The following ASB13 variants were observed in gnomAD, a reference collection of about 807,000 sequenced individuals.
ASB13 encodes ankyrin repeat and SOCS box containing 13.
ASB13 carries 33 observed loss-of-function variants against 28.8 expected under a neutral mutation model. That is an observed-to-expected ratio of 1.15 (90% CI 0.87 to 1.53). The LOEUF is 1.53. Among genes scored for constraint, ASB13 ranks in the 40% most tolerant of loss-of-function variants. The pLI, the probability that ASB13 is intolerant of heterozygous loss-of-function variation, is 0.00. For missense variants in ASB13, 414 were observed against 390.1 expected (o/e 1.06, Z -0.52); for synonymous variants, 182 against 172.9 (o/e 1.05, Z -0.41).
In ASB13 at chr10:5,663,800, T is replaced by C. The variant is rs1835210746; in HGVS notation, c.43+2709A>G. On this transcript the variant is annotated intron_variant, in intron 1 of 5. Transcript: ENST00000357700. This position sits in a 1 kb window ranked among gnomAD's most constrained non-coding sequence, Gnocchi z 4.9. ...ACAGGCCCTCTTTGAATTCCTATTTTAGGATAAAATAGCCGCCCACTCCAA... is the reference window on the plus strand; with the variant it reads ...ACAGGCCCTCTTTGAATTCCTATTTCAGGATAAAATAGCCGCCCACTCCAA... Among the ~76,000 whole-genome samples, 1 of 152,116 alleles carries C rather than the reference T, an allele frequency of 6.6e-6. No homozygotes were observed. Among genetic ancestry groups the C allele is most frequent in the African/African-American group, 2.4e-5 (1 of 41,408 alleles).
rs1834764710 is a variant in ASB13, at chr10:5,638,961, T to C, written c.*1742A>G. 6.6e-6 allele frequency: 1 copy of C among 152,456 alleles called. No homozygotes were observed. The highest frequency in any genetic ancestry group is 6.5e-5 in the Admixed American group (1 of 15,288). The allele number at this position is 152,456 out of a possible 1,614,324, so 9.4% of individuals were successfully genotyped here. ...GTGAGACATCACAGGTTGTCATTGC[T>C]AGAGGCAAGAATCTCTTACAAAGAT... On this transcript the variant is annotated 3_prime_UTR_variant, in exon 6 of 6. Coordinates refer to ENST00000357700, the MANE Select transcript of ASB13 (RefSeq NM_024701.4).
At chr10:5,666,458 C>T in intron 1 of ASB13, 51 bp downstream of exon 1, 1 of 1,271,142 alleles carries the variant, frequency 7.9e-7, no homozygotes, top group Non-Finnish European at 1.0e-6. Context: ...CGGCCGGCCT[C>T]AGGAGCCGGC....
rs1834815095 is a variant in ASB13 at position 5,641,975 on chromosome 10, G to A, written c.518-14C>T. ...TCACGTTGGCCCCTGGAGGTCAAGA[G>A]TGCAGAAGAGATTTCACCAAGAAGA... is the stretch of plus-strand genomic sequence containing the variant. On this transcript the variant is annotated splice_polypyrimidine_tract_variant and intron_variant, in intron 4 of 5. Coordinates refer to ENST00000357700, the MANE Select transcript of ASB13 (RefSeq NM_024701.4). The surrounding 1 kb of genome is among the most constrained non-coding windows in gnomAD (Gnocchi z 8.4). 1 of 1,591,422 alleles carries A rather than the reference G, an allele frequency of 6.3e-7. No homozygotes were observed. Among genetic ancestry groups the A allele is most frequent in the African/African-American group, 1.3e-5 (1 of 74,530 alleles).
rs11256947 is a variant in ASB13, at chr10:5,649,333, C to A, written c.383-229G>T. Among the ~76,000 whole-genome samples, 2 of 151,982 alleles carry A rather than the reference C, an allele frequency of 1.3e-5. No homozygotes were observed. Among genetic ancestry groups the A allele is most frequent in the African/African-American group, 4.8e-5 (2 of 41,400 alleles). ...GGAGGGCTCAAGGCAGTGGGAGAAA[C>A]GGGCCTGGCCGGCTTCTTGCTGTGA... On this transcript the variant is annotated intron_variant, in intron 3 of 5. Coordinates refer to ENST00000357700, the MANE Select transcript of ASB13 (RefSeq NM_024701.4). The surrounding 1 kb of genome is among the most constrained non-coding windows in gnomAD (Gnocchi z 6.4).
intron 1 of ASB13, among the ~76,000 whole-genome samples, chr10:5,665,870 G>A (rs1835250222): frequency 6.6e-6 from 1 of 151,990 alleles, no homozygotes; most frequent in Non-Finnish European, 1.5e-5. Flanking sequence ...TGCTTCATAG[G>A]CAGCAAAAAA....
chr10:5,646,279 G>A (rs7895846), intron 4 of ASB13, among the ~76,000 whole-genome samples: 2,011 of 152,286 alleles, frequency 0.013, 46 homozygotes, highest in African/African-American at 0.045. Flanking sequence ...CAGCTCCAGC[G>A]TGGGTCCCGC....
chr10:5,651,368 C>T lies in ASB13; in HGVS notation c.232-5G>A, dbSNP rs189898423. On this transcript the variant is annotated splice_polypyrimidine_tract_variant and splice_region_variant and intron_variant, in intron 2 of 5. Transcript: ENST00000357700. This position sits in a 1 kb window ranked among gnomAD's most constrained non-coding sequence, Gnocchi z 5.1. ...GTCGATGTTGCGAGCATCCACCTCA[C>T]GGGAGGAAGAAACAAGTGTCAAAGG... is the stretch of plus-strand genomic sequence containing the variant. 6.2e-4 allele frequency: 985 copies of T among 1,592,502 alleles called. 2 individuals carry two copies. The highest frequency in any genetic ancestry group is 6.4e-4 in the Non-Finnish European group (744 of 1,166,266).
chr10:5,655,965 C>T lies in ASB13; in HGVS notation c.44-2915G>A, dbSNP rs985498731. On this transcript the variant is annotated intron_variant, in intron 1 of 5. Transcript: ENST00000357700. This position sits in a 1 kb window ranked among gnomAD's most constrained non-coding sequence, Gnocchi z 6.2. ...AAGATGACTAAGATGCAGCAATAGGCAGCTCACAGTCAGGGACCAGGGAAT... is the reference window on the plus strand; with the variant it reads ...AAGATGACTAAGATGCAGCAATAGGTAGCTCACAGTCAGGGACCAGGGAAT... 9.2e-5 allele frequency among the ~76,000 whole-genome samples: 14 copies of T among 152,194 alleles called. No individual in the cohort carries two copies. The highest frequency in any genetic ancestry group is 2.0e-4 in the Admixed American group (3 of 15,276).
chr10:5,640,620 T>C lies in ASB13; in HGVS notation c.*83A>G. On this transcript the variant is annotated 3_prime_UTR_variant, in exon 6 of 6. Coordinates refer to ENST00000357700, the MANE Select transcript of ASB13 (RefSeq NM_024701.4). ...GTTGTTCTATCTACAGCAATCACGC[T>C]GCTTCAGAGGAACAGGCAGAGCCCT... 1.3e-6 allele frequency: 2 copies of C among 1,563,280 alleles called. No homozygotes were observed. Among genetic ancestry groups the C allele is most frequent in the Non-Finnish European group, 1.8e-6 (2 of 1,138,972 alleles).
chr10:5,651,564 C>CGTT lies in ASB13; in HGVS notation c.232-204_232-202dup. The CGTT allele has an allele frequency of 1.8e-6, 1 of 563,908 alleles. No homozygotes were observed. 34.9% of individuals were successfully genotyped at this position (563,908 alleles called of 1,614,324 possible). A position where few individuals can be genotyped will look rare whatever the true frequency, so the allele number is the denominator to read the frequency against. On this transcript the variant is annotated intron_variant, in intron 2 of 5. Transcript: ENST00000357700. The surrounding 1 kb of genome is among the most constrained non-coding windows in gnomAD (Gnocchi z 5.1). ...GGCCTCCTGAGTAGAGAAGTCATCT[C>CGTT]GTTCAGGATTCTTTTCTCTCAGGGC... is the stretch of plus-strand genomic sequence containing the variant.
Position 5,640,788 on chromosome 10 carries a change from C to T in ASB13, c.752G>A (p.Arg251Lys), listed in dbSNP as rs752692423. ...TLSQLCRVNL[R>K]KATGVRGLEK... ...CAGCCCTCGGACGCCAGTGGCCTTC[C>T]TCAAGTTCACCCTGCAGAGCTGTGA... The change falls in exon 6 of 6, where the codon AGG becomes AAG. Residue 251 changes from arginine to lysine, a missense_variant. Transcript: ENST00000357700. The T allele has an allele frequency of 1.2e-6, 2 of 1,614,020 alleles. No homozygotes were observed. Among genetic ancestry groups the T allele is most frequent in the Non-Finnish European group, 1.7e-6 (2 of 1,180,020 alleles).
chr10:5,653,065 G>T lies in ASB13; in HGVS notation c.44-15C>A, dbSNP rs79548623. The T allele has an allele frequency of 4.9e-4, 746 of 1,533,560 alleles. 13 individuals carry two copies. In the East Asian group the frequency reaches 0.011, roughly 23 times the overall value. 95.0% of individuals were successfully genotyped at this position (1,533,560 alleles called of 1,614,324 possible). A position where few individuals can be genotyped will look rare whatever the true frequency, so the allele number is the denominator to read the frequency against. On this transcript the variant is annotated splice_polypyrimidine_tract_variant and intron_variant, in intron 1 of 5. Coordinates refer to ENST00000357700, the MANE Select transcript of ASB13 (RefSeq NM_024701.4). ...CACCCAGAAACCTGGAAAGGAAGGG[G>T]ACCTCAGGCTAAGACCCTGCCACTT... is the stretch of plus-strand genomic sequence containing the variant.
chr10:5,663,153 G>A lies in ASB13; in HGVS notation c.43+3356C>T, dbSNP rs959539893. On this transcript the variant is annotated intron_variant, in intron 1 of 5. Coordinates refer to ENST00000357700, the MANE Select transcript of ASB13 (RefSeq NM_024701.4). The surrounding 1 kb of genome is among the most constrained non-coding windows in gnomAD (Gnocchi z 4.9). ...AAAAATGCCAGTATTTGCCTTCTTAGAGGGACAAAATGGTCAAAACTCAGT... is the reference window on the plus strand; with the variant it reads ...AAAAATGCCAGTATTTGCCTTCTTAAAGGGACAAAATGGTCAAAACTCAGT... 3.9e-5 allele frequency among the ~76,000 whole-genome samples: 6 copies of A among 152,146 alleles called. No individual in the cohort carries two copies. Among genetic ancestry groups the A allele is most frequent in the Admixed American group, 3.9e-4 (6 of 15,274 alleles).
At position 5,665,798 on chromosome 10, in the gene ASB13, AT is replaced by A. The variant is rs79682915; in HGVS notation, c.43+710del. ...TTTTACCAGGATGAATATGCTTTAG[AT>A]TTTTTTTTTCTTTTTAGGCTTTCAT... On this transcript the variant is annotated intron_variant, in intron 1 of 5. Coordinates refer to ENST00000357700, the MANE Select transcript of ASB13 (RefSeq NM_024701.4). Among the ~76,000 whole-genome samples, 15 of 150,496 alleles carry A rather than the reference AT, an allele frequency of 1.0e-4. 1 individual carries two copies. The highest frequency in any genetic ancestry group is 6.3e-4 in the South Asian group (3 of 4,736).
chr10:5,648,789 C>T (rs1318673958), intron 4 of ASB13, among the ~76,000 whole-genome samples, 181 bp downstream of exon 4: 2 of 149,128 alleles, frequency 1.3e-5, no homozygotes, highest in African/African-American at 2.4e-5. Flanking sequence ...TAAACACCCA[C>T]GCGGGCAAAC....
chr10:5,651,617 C>G lies in ASB13; in HGVS notation c.232-254G>C, dbSNP rs1478527850. ...GATAAGCTCAGCAGCCCCCTCGCCA[C>G]CCCCGCCCCAAACACCTAGTAAGCA... On this transcript the variant is annotated intron_variant, in intron 2 of 5. Transcript: ENST00000357700. This position sits in a 1 kb window ranked among gnomAD's most constrained non-coding sequence, Gnocchi z 5.1. 4.5e-6 allele frequency: 2 copies of G among 444,032 alleles called. No homozygotes were observed. The highest frequency in any genetic ancestry group is 4.4e-5 in the East Asian group (1 of 22,478). 27.5% of individuals were successfully genotyped at this position (444,032 alleles called of 1,614,324 possible).
rs953471374 is a variant in ASB13, at chr10:5,664,896, A to C, written c.43+1613T>G. On this transcript the variant is annotated intron_variant, in intron 1 of 5. Coordinates refer to ENST00000357700, the MANE Select transcript of ASB13 (RefSeq NM_024701.4). This position sits in a 1 kb window ranked among gnomAD's most constrained non-coding sequence, Gnocchi z 4.2. Reference sequence around the variant, plus strand: ...TTTGAGACAGAGTTTTGCTCTTGTCACCCAGGCTGGAGTGCAATGGCCCAA... The same window carrying C: ...TTTGAGACAGAGTTTTGCTCTTGTCCCCCAGGCTGGAGTGCAATGGCCCAA... 6.6e-6 allele frequency among the ~76,000 whole-genome samples: 1 copy of C among 150,474 alleles called. No individual in the cohort carries two copies. Among genetic ancestry groups the C allele is most frequent in the South Asian group, 2.1e-4 (1 of 4,718 alleles).
Position 5,653,012 on chromosome 10 carries a change from G to A in ASB13, c.82C>T (p.Gln28Ter), listed in dbSNP as rs1311135911. 8 of 1,551,164 alleles carry A rather than the reference G, an allele frequency of 5.2e-6. No individual in the cohort carries two copies. The East Asian group carries it at 1.7e-4, about 33-fold the overall frequency. The change falls in exon 2 of 6, where the codon CAG becomes TAG. Residue 28 changes from glutamine (Q) to a stop codon, truncating the protein, a stop_gained. Transcript: ENST00000357700. LOFTEE classifies it high-confidence loss of function. ...VERTPVHEAA[Q>*]RGESLQLQQL... ...TGCAGCTGCAGGCTCTCACCCCGCT[G>A]GGCTGCCTCGTGCACAGGGGTCCGC...
At chr10:5,648,523 C>T (rs61832720) in intron 4 of ASB13, among the ~76,000 whole-genome samples, 9,691 of 117,630 alleles carry the variant, frequency 0.082, 925 homozygotes, top group Non-Finnish European at 0.11. Context: ...CCCACGCGGG[C>T]AAACACCTAC....
Sources: gnomAD v4.1 joint callset for allele counts (sites outside exome capture counted in the v4.1 genomes callset) on GRCh38, gnomAD v4.1.1 for gene constraint, Gnocchi (gnomAD v3.1) non-coding constraint, MANE v1.5 for transcripts, NCBI Gene and HGNC (gene_info 2026-07-23, HGNC 2026-07-21) for gene names.